BIN1: variants seen among roughly 807,000 people sequenced by gnomAD.
The protein encoded by BIN1 is myc box-dependent-interacting protein 1.
In BIN1, 53 loss-of-function variants were observed where a neutral mutation model predicts 82.0. The observed-to-expected ratio is 0.65, with a 90% CI of 0.52 to 0.81. The LOEUF is 0.81. Among genes scored for constraint, BIN1 ranks in the 40% least tolerant of loss-of-function variants. The probability of loss-of-function intolerance (pLI) is 0.00; values close to 1 mark genes in which losing one functional copy is unlikely to be tolerated. For missense variants in BIN1, 642 were observed against 784.4 expected, an observed-to-expected ratio of 0.82 and a Z score of 2.17; for synonymous variants, 302 against 328.0, an observed-to-expected ratio of 0.92 and a Z score of 0.86.
intron 1 of BIN1, among the ~76,000 whole-genome samples, chr2:127,105,597 C>G (rs545273207): frequency 6.6e-6 from 1 of 152,084 alleles, no homozygotes; most frequent in Non-Finnish European, 1.5e-5. Flanking sequence ...CCTCCTTAGC[C>G]AGGAAACACA....
intron 1 of BIN1, among the ~76,000 whole-genome samples, chr2:127,094,178 T>C (rs1679293777): frequency 6.6e-6 from 1 of 152,208 alleles, no homozygotes; most frequent in Non-Finnish European, 1.5e-5. Flanking sequence ...GGGAGTAACT[T>C]GTCCAAGGTC....
chr2:127,058,239 G>A (rs1683963129), intron 11 of BIN1, among the ~76,000 whole-genome samples: 1 of 152,234 alleles, frequency 6.6e-6, no homozygotes, highest in South Asian at 2.1e-4. Flanking sequence ...GCTTCACAGG[G>A]GTGTTGTGGG....
intron 1 of BIN1, among the ~76,000 whole-genome samples, chr2:127,097,200 A>G (rs1679712006): frequency 6.6e-6 from 1 of 152,212 alleles, no homozygotes; most frequent in African/African-American, 2.4e-5. Context: ...CGGCCTGGCC[A>G]CACAGGGCCG....
chr2:127,073,903 T>A (rs1039769761), intron 2 of BIN1, among the ~76,000 whole-genome samples: 2 of 152,104 alleles, frequency 1.3e-5, no homozygotes, highest in Non-Finnish European at 1.5e-5. Flanking sequence ...CAGGCCCCCA[T>A]GGGCTCTCAG....
chr2:127,069,375 CCT>C (rs1256558073), intron 5 of BIN1, among the ~76,000 whole-genome samples: 3 of 152,180 alleles, frequency 2.0e-5, no homozygotes, highest in Non-Finnish European at 4.4e-5. Context: ...ACTGGGGACC[CCT>C]GAGGCTAGCA....
chr2:127,088,989 G>A (rs1678559890), intron 1 of BIN1, among the ~76,000 whole-genome samples: 1 of 152,144 alleles, frequency 6.6e-6, no homozygotes, highest in Non-Finnish European at 1.5e-5. Context: ...CAGGGGGCAG[G>A]GAGGACCAGG....
chr2:127,078,936 A>G (rs1686965079), intron 1 of BIN1, among the ~76,000 whole-genome samples: 2 of 151,950 alleles, frequency 1.3e-5, no homozygotes, highest in Non-Finnish European at 2.9e-5. Context: ...CACCAGAGAG[A>G]GCCAGAAGCT....
At chr2:127,052,393 A>G in intron 14 of BIN1, 31 bp from the exon 15 acceptor site, 1 of 1,458,776 alleles carries the variant, frequency 6.9e-7, no homozygotes. Context: ...GAGAACAGGG[A>G]GGGGGCGGGG....
At position 127,106,851 on chromosome 2, in the gene BIN1, C is replaced by A; in HGVS notation, c.84+9G>T. On this transcript the variant is annotated intron_variant, in intron 1 of 18. Transcript: ENST00000316724. ...GACTCCGCGGCTGCTGGGGCTCCGG[C>A]TCGCTCACCTTCTCCTGCGCGCGGG... 6.3e-7 allele frequency: 1 copy of A among 1,598,208 alleles called. No homozygotes were observed. Among genetic ancestry groups the A allele is most frequent in the Non-Finnish European group, 8.5e-7 (1 of 1,174,348 alleles).
chr2:127,079,163 C>A (rs1686988766), intron 1 of BIN1, among the ~76,000 whole-genome samples: 1 of 152,210 alleles, frequency 6.6e-6, no homozygotes, highest in African/African-American at 2.4e-5. Context: ...GTGTGCTCTG[C>A]ACAGACAGCT....
intron 2 of BIN1, among the ~76,000 whole-genome samples, chr2:127,073,127 C>T (rs3754604): frequency 0.054 from 8,215 of 152,286 alleles, 570 homozygotes; most frequent in African/African-American, 0.16. Context: ...CTGGGCTGTG[C>T]GCCGGCACGT....
chr2:127,053,787 C>T, intron 13 of BIN1, 118 bp downstream of exon 13: 2 of 997,052 alleles, frequency 2.0e-6, no homozygotes, highest in South Asian at 1.4e-5. Context: ...GGCTGAGGTG[C>T]CAGGGGAAGG....
rs1352453086 is a variant in BIN1 at position 127,059,404 on chromosome 2, G to A, written c.858-249C>T. ...ACAGCACAAGGTGGGACTCCAGGCT[G>A]GAGGTCTATGGTCCCCAGGAGTGCA... On this transcript the variant is annotated intron_variant, in intron 10 of 18. Coordinates refer to ENST00000316724, the MANE Select transcript of BIN1 (RefSeq NM_139343.3). This position sits in a 1 kb window ranked among gnomAD's most constrained non-coding sequence, Gnocchi z 6.7. Among the ~76,000 whole-genome samples, 3 of 151,990 alleles carry A rather than the reference G, an allele frequency of 2.0e-5. No homozygotes were observed. The highest frequency in any genetic ancestry group is 1.9e-4 in the East Asian group (1 of 5,168).
chr2:127,076,559 G>A lies in BIN1; in HGVS notation c.165+67C>T, dbSNP rs560650778. ...CTCTCGTACTCCACAAATTCAGCTC[G>A]TGCCATTTTTCACCTGGCAGCCGAA... On this transcript the variant is annotated intron_variant, in intron 2 of 18. Transcript: ENST00000316724. The A allele has an allele frequency of 1.9e-4, 290 of 1,557,130 alleles. 4 individuals carry two copies. In the South Asian group the frequency reaches 2.8e-3, roughly 15 times the overall value.
chr2:127,086,573 T>C (rs1678193597), intron 1 of BIN1, among the ~76,000 whole-genome samples: 1 of 150,582 alleles, frequency 6.6e-6, no homozygotes. Context: ...AGTGGTGCAA[T>C]CTCGGCTCAC....
chr2:127,080,362 C>T (rs565623449), intron 1 of BIN1, among the ~76,000 whole-genome samples: 167 of 152,314 alleles, frequency 1.1e-3, no homozygotes, highest in Non-Finnish European at 7.3e-4. Context: ...AGGGGCTGGC[C>T]CAGCAGCGAC....
At position 127,105,261 on chromosome 2, in the gene BIN1, C is replaced by G. The variant is rs1421655386; in HGVS notation, c.84+1599G>C. Reference sequence around the variant, plus strand: ...AGTGGGAAGGGGGCAGGGAACACAGCTCAGCTAACCTCCCTTCCCATTCAT... The same window carrying G: ...AGTGGGAAGGGGGCAGGGAACACAGGTCAGCTAACCTCCCTTCCCATTCAT... On this transcript the variant is annotated intron_variant, in intron 1 of 18. Transcript: ENST00000316724. Among the ~76,000 whole-genome samples the G allele has an allele frequency of 2.0e-5, 3 of 152,300 alleles. No homozygotes were observed. The East Asian group carries it at 5.8e-4, about 29-fold the overall frequency.
intron 2 of BIN1, among the ~76,000 whole-genome samples, chr2:127,074,155 A>C (rs1261206724): frequency 6.6e-6 from 1 of 151,864 alleles, no homozygotes; most frequent in Non-Finnish European, 1.5e-5. Flanking sequence ...AGGCAAGAAA[A>C]AGCTCCACCT....
chr2:127,053,060 A>C, intron 14 of BIN1: 1 of 375,582 alleles, frequency 2.7e-6, no homozygotes, highest in South Asian at 2.6e-5. Flanking sequence ...AGAACCTTCT[A>C]CCCTGAGGCC....
Sources: allele counts gnomAD v4.1 joint callset (sites outside exome capture counted in the v4.1 genomes callset), GRCh38; gene constraint gnomAD v4.1.1; non-coding constraint Gnocchi (gnomAD v3.1); transcripts MANE v1.5; gene names NCBI Gene and HGNC (gene_info 2026-07-23, HGNC 2026-07-21).